Variants in ARMH4 observed in about 807,000 individuals in gnomAD.
ARMH4 encodes armadillo-like helical domain-containing protein 4.
Under a neutral mutation model 61.9 loss-of-function variants are expected in ARMH4, and 49 were observed. The observed-to-expected ratio is 0.79, with a 90% CI of 0.63 to 1.00. The LOEUF (loss-of-function observed/expected upper bound fraction) is 1.00, where lower values mean the gene tolerates loss of function less well. ARMH4 is among the 50% of genes least tolerant of loss of function. The probability of loss-of-function intolerance (pLI) is 0.00; values close to 1 mark genes in which losing one functional copy is unlikely to be tolerated. For synonymous variants in ARMH4, 368 were observed against 341.5 expected (o/e 1.08, Z -0.85); for missense variants, 934 against 930.0 (o/e 1.00, Z -0.06).
In ARMH4 at chr14:58,096,934, C is replaced by T; in HGVS notation, c.1879G>A (p.Glu627Lys). ...TCATCTTCTTCCTCATCTTCCTCTT[C>T]TTCATCTTCATCTTCTTCATCCTCT... ...DEEDEEDEDE[E>K]EEDEEEDEED... Residue 627 changes from glutamate to lysine, a missense_variant, in exon 5 of 8, where the codon GAA becomes AAA. Glu to Lys is a moderately conservative substitution (Grantham distance 56). Transcript: ENST00000267485. The T allele has an allele frequency of 5.6e-6, 9 of 1,613,090 alleles. No homozygotes were observed. Among genetic ancestry groups the T allele is most frequent in the Non-Finnish European group, 7.6e-6 (9 of 1,179,858 alleles).
At chr14:58,150,230 T>G (rs540045104) in intron 1 of ARMH4, among the ~76,000 whole-genome samples, 1 of 152,254 alleles carries the variant, frequency 6.6e-6, no homozygotes, top group Admixed American at 6.5e-5. Flanking sequence ...ACTTCTCTTA[T>G]AATCACCAAG....
intron 5 of ARMH4, among the ~76,000 whole-genome samples, chr14:58,043,689 T>C (rs1178469636): frequency 6.6e-6 from 1 of 152,212 alleles, no homozygotes; most frequent in East Asian, 1.9e-4. Flanking sequence ...TTGACATGAT[T>C]GTATATCTAG....
intron 4 of ARMH4, among the ~76,000 whole-genome samples, chr14:58,104,281 G>A (rs1392406611): frequency 6.6e-6 from 1 of 152,198 alleles, no homozygotes. Context: ...AAGTAAGAAA[G>A]GTCCCTGATT....
chr14:58,105,893 T>C lies in ARMH4; in HGVS notation c.1832-8912A>G, dbSNP rs2141279165. Among the ~76,000 whole-genome samples, 3 of 152,304 alleles carry C rather than the reference T, an allele frequency of 2.0e-5. No homozygotes were observed. The Middle Eastern group carries it at 0.01, about 518-fold the overall frequency. On this transcript the variant is annotated intron_variant, in intron 4 of 7. Coordinates refer to ENST00000267485, the MANE Select transcript of ARMH4 (RefSeq NM_001001872.4). ...AAAAGTTCCTTCTAGTCATGTTACC[T>C]AGAATTGGAAAGTTCATCCTCATAA...
intron 5 of ARMH4, among the ~76,000 whole-genome samples, chr14:58,047,653 T>C (rs937185431): frequency 2.0e-5 from 3 of 152,180 alleles, no homozygotes; most frequent in African/African-American, 7.2e-5. Flanking sequence ...TAGCCACATA[T>C]ACTTTTCAGA....
At chr14:58,062,034 A>T (rs1031031519) in intron 5 of ARMH4, among the ~76,000 whole-genome samples, 5 of 151,756 alleles carry the variant, frequency 3.3e-5, no homozygotes, top group African/African-American at 1.2e-4. Flanking sequence ...CTTCAAAATC[A>T]CTCACTTAAG....
chr14:58,044,422 C>T (rs1182894748), intron 5 of ARMH4, among the ~76,000 whole-genome samples: 7 of 152,162 alleles, frequency 4.6e-5, no homozygotes, highest in African/African-American at 1.7e-4. Flanking sequence ...ATGTAGAAAG[C>T]TGAAACTGGA....
chr14:58,015,877 C>T (rs1182493237), intron 5 of ARMH4, among the ~76,000 whole-genome samples: 1 of 141,012 alleles, frequency 7.1e-6, no homozygotes, highest in African/African-American at 2.9e-5. Flanking sequence ...GAGACTCCTG[C>T]CTCTACAAAA....
intron 4 of ARMH4, among the ~76,000 whole-genome samples, chr14:58,099,557 C>CA (rs1397038052): frequency 6.6e-6 from 1 of 151,562 alleles, no homozygotes; most frequent in Admixed American, 6.6e-5. Flanking sequence ...TGGAGTGGTT[C>CA]AAAAAAAGAT....
chr14:58,093,467 C>T (rs1885641010), intron 5 of ARMH4, among the ~76,000 whole-genome samples: 2 of 152,166 alleles, frequency 1.3e-5, no homozygotes, highest in South Asian at 2.1e-4. Flanking sequence ...ACTGGGATTA[C>T]AGGTGTGAGC....
intron 5 of ARMH4, among the ~76,000 whole-genome samples, chr14:58,027,969 G>A (rs532335359): frequency 1.3e-5 from 2 of 152,244 alleles, no homozygotes; most frequent in South Asian, 2.1e-4. Context: ...TAAAGGTCTT[G>A]ACAGACCATT....
At chr14:58,102,468 T>C (rs548283177) in intron 4 of ARMH4, among the ~76,000 whole-genome samples, 6 of 152,086 alleles carry the variant, frequency 3.9e-5, no homozygotes, top group African/African-American at 9.6e-5. Context: ...TGAGATGAAA[T>C]AGTCTTGGAT....
intron 5 of ARMH4, among the ~76,000 whole-genome samples, chr14:58,079,913 C>G (rs1447249431): frequency 1.3e-5 from 2 of 151,952 alleles, no homozygotes; most frequent in African/African-American, 4.8e-5. Context: ...AACTTATAAA[C>G]AAAATAGTAA....
intron 5 of ARMH4, among the ~76,000 whole-genome samples, chr14:58,080,039 C>G (rs1885168099): frequency 6.6e-6 from 1 of 152,100 alleles, no homozygotes; most frequent in South Asian, 2.1e-4. Context: ...CAGTAGGCAA[C>G]AGCCAGGTTT....
chr14:58,036,884 CT>C (rs1883504250), intron 5 of ARMH4, among the ~76,000 whole-genome samples: 1 of 124,186 alleles, frequency 8.1e-6, no homozygotes, highest in Admixed American at 7.7e-5. Context: ...CAACCCACTG[CT>C]CAAGGAAATA....
chr14:58,101,757 A>G (rs1204644515), intron 4 of ARMH4, among the ~76,000 whole-genome samples: 2 of 152,168 alleles, frequency 1.3e-5, no homozygotes, highest in Non-Finnish European at 2.9e-5. Flanking sequence ...AAAAGCCCAG[A>G]CACCATGGAC....
rs558772993 is a variant in ARMH4 at position 58,063,712 on chromosome 14, C to T, written c.2089+33012G>A. ...AACACTTTGGTACTGTCATCTATCA[C>T]AACCTCCCAGCTCATGTCTTCCTTG... On this transcript the variant is annotated intron_variant, in intron 5 of 7. Coordinates refer to ENST00000267485, the MANE Select transcript of ARMH4 (RefSeq NM_001001872.4). Among the ~76,000 whole-genome samples, 9 of 151,636 alleles carry T rather than the reference C, an allele frequency of 5.9e-5. No individual in the cohort carries two copies. The South Asian group carries it at 6.3e-4, about 11-fold the overall frequency.
chr14:58,147,148 T>C (rs1277400576), intron 1 of ARMH4, among the ~76,000 whole-genome samples: 6 of 152,150 alleles, frequency 3.9e-5, no homozygotes, highest in Non-Finnish European at 8.8e-5. Flanking sequence ...CCTTGAACTC[T>C]TCTCTCCTTT....
intron 5 of ARMH4, among the ~76,000 whole-genome samples, chr14:58,039,253 T>C (rs1308195606): frequency 2.0e-5 from 3 of 152,196 alleles, no homozygotes; most frequent in Non-Finnish European, 2.9e-5. Flanking sequence ...CTGAGAGCTC[T>C]CCCCACCTAC....
Sources: gnomAD v4.1 joint callset for allele counts (sites outside exome capture counted in the v4.1 genomes callset) on GRCh38, gnomAD v4.1.1 for gene constraint, MANE v1.5 for transcripts, NCBI Gene and HGNC (gene_info 2026-07-23, HGNC 2026-07-21) for gene names.